RANBP2: variants seen among roughly 807,000 people sequenced by gnomAD.
RANBP2 encodes the protein E3 SUMO-protein ligase RanBP2.
RANBP2 carries 57 observed loss-of-function variants against 303.6 expected under a neutral mutation model. The observed-to-expected ratio is 0.19, with a 90% CI of 0.15 to 0.23. The LOEUF is 0.23. Among genes scored for constraint, RANBP2 ranks in the 10% least tolerant of loss-of-function variants. RANBP2 has a pLI of 1.00. For synonymous variants in RANBP2, 1,167 were observed against 1,301.5 expected (o/e 0.90, Z 2.23); for missense variants, 3,138 against 3,780.8 (o/e 0.83, Z 4.46).
chr2:109,514,391 A>G, the RANBP2 span, among the ~76,000 whole-genome samples: 1 of 152,166 alleles, frequency 6.6e-6, no homozygotes, highest in Non-Finnish European at 1.5e-5. Flanking sequence ...GCTGCAGCCC[A>G]TCCGCCCACC....
At chr2:109,207,224 A>G in the RANBP2 span, among the ~76,000 whole-genome samples, 1 of 152,186 alleles carries the variant, frequency 6.6e-6, no homozygotes, top group African/African-American at 2.4e-5. Flanking sequence ...ACAGCAGTTC[A>G]TTTTTATGAG....
the RANBP2 span, among the ~76,000 whole-genome samples, chr2:109,391,586 C>T: frequency 7.2e-5 from 11 of 152,206 alleles, no homozygotes; most frequent in African/African-American, 2.4e-4. Context: ...AGGTGTGTGG[C>T]CACGGCTTGT....
the RANBP2 span, among the ~76,000 whole-genome samples, chr2:109,651,586 A>G: frequency 3.1e-3 from 471 of 152,308 alleles, 2 homozygotes; most frequent in African/African-American, 0.011. Flanking sequence ...AATATTCCCA[A>G]TGGACAAAAC....
the RANBP2 span, among the ~76,000 whole-genome samples, chr2:109,464,893 A>G: frequency 1.3e-5 from 2 of 152,218 alleles, no homozygotes; most frequent in South Asian, 4.1e-4. Flanking sequence ...TGACAAATGT[A>G]TAATGACATG....
At chr2:109,078,787 T>C in the RANBP2 span, among the ~76,000 whole-genome samples, 14 of 149,370 alleles carry the variant, frequency 9.4e-5, no homozygotes, top group Middle Eastern at 0.024. Flanking sequence ...TCGAGACCAT[T>C]CTGGCTAACA....
chr2:108,783,174 G>T (rs1313793180), intron 28 of RANBP2, among the ~76,000 whole-genome samples: 2 of 150,714 alleles, frequency 1.3e-5, no homozygotes, highest in African/African-American at 4.9e-5. Flanking sequence ...ATCTCGTCTG[G>T]ACAAAAAAAT....
chr2:109,154,249 G>A, the RANBP2 span, among the ~76,000 whole-genome samples: 1,263 of 152,298 alleles, frequency 8.3e-3, 22 homozygotes, highest in African/African-American at 0.028. Context: ...CCTCACTTGG[G>A]TGACCACATT....
the RANBP2 span, among the ~76,000 whole-genome samples, chr2:109,413,424 T>A: frequency 6.6e-6 from 1 of 152,188 alleles, no homozygotes; most frequent in African/African-American, 2.4e-5. Context: ...TGTCTGGTTA[T>A]TTTAGGATTC....
At chr2:108,907,728 G>T in the RANBP2 span, 1 of 1,018,396 alleles carries the variant, frequency 9.8e-7, no homozygotes, top group Non-Finnish European at 1.5e-6. Flanking sequence ...TCACTGTCCA[G>T]GTCTCCTATC....
chr2:109,025,255 A>G, the RANBP2 span, among the ~76,000 whole-genome samples: 1 of 152,136 alleles, frequency 6.6e-6, no homozygotes, highest in African/African-American at 2.4e-5. Flanking sequence ...TTAACTGTTA[A>G]ACTGTTGATA....
the RANBP2 span, chr2:108,908,036 G>A: frequency 5.5e-4 from 876 of 1,603,202 alleles, 1 homozygote; most frequent in East Asian, 7.6e-4. Context: ...AAACAAGAGC[G>A]ATGGTCATTA....
chr2:109,054,029 G>A, the RANBP2 span, among the ~76,000 whole-genome samples: 2,229 of 152,268 alleles, frequency 0.015, 26 homozygotes, highest in Middle Eastern at 0.031. Flanking sequence ...GGGCTGAGGC[G>A]GAGGCCACTG....
intron 6 of RANBP2, among the ~76,000 whole-genome samples, chr2:108,736,522 TC>T (rs1306093472): frequency 6.6e-6 from 1 of 152,226 alleles, no homozygotes; most frequent in African/African-American, 2.4e-5. Context: ...TTTGTCATAG[TC>T]AAGCCTAAAA....
chr2:109,579,756 C>T, the RANBP2 span, among the ~76,000 whole-genome samples: 3 of 151,902 alleles, frequency 2.0e-5, no homozygotes, highest in Middle Eastern at 3.2e-3. Flanking sequence ...GCAAATTTTT[C>T]CAGAAAATAG....
the RANBP2 span, among the ~76,000 whole-genome samples, chr2:109,078,154 T>C: frequency 1.9e-5 from 2 of 107,684 alleles, no homozygotes; most frequent in African/African-American, 3.4e-5. Context: ...ATATATAGCA[T>C]GTATATATAT....
the RANBP2 span, chr2:109,667,055 GAGA>G: frequency 3.3e-6 from 2 of 599,252 alleles, no homozygotes; most frequent in South Asian, 1.8e-5. Context: ...TCAATCCAGT[GAGA>G]AGGTTTTGTG....
At chr2:109,327,732 C>T in the RANBP2 span, among the ~76,000 whole-genome samples, 1 of 152,154 alleles carries the variant, frequency 6.6e-6, no homozygotes, top group Non-Finnish European at 1.5e-5. Flanking sequence ...AAAATAGCAA[C>T]AAAAATATAA....
chr2:109,015,222 A>G, the RANBP2 span, among the ~76,000 whole-genome samples: 1 of 148,888 alleles, frequency 6.7e-6, no homozygotes, highest in Non-Finnish European at 1.5e-5. Flanking sequence ...TGACCCTTGA[A>G]CAACCTGGGT....
At chr2:108,760,816 C>T (rs985805175) in intron 18 of RANBP2, among the ~76,000 whole-genome samples, 116 of 151,972 alleles carry the variant, frequency 7.6e-4, no homozygotes, top group African/African-American at 2.8e-3. Context: ...TTAAAGCCCG[C>T]GAACACATTT....
Sources: gnomAD v4.1 joint callset for allele counts (sites outside exome capture counted in the v4.1 genomes callset) on GRCh38, gnomAD v4.1.1 for gene constraint, MANE v1.5 for transcripts, NCBI Gene and HGNC (gene_info 2026-07-23, HGNC 2026-07-21) for gene names.